IGF2R: variants seen among roughly 807,000 people sequenced by gnomAD.
IGF2R encodes the protein cation-independent mannose-6-phosphate receptor.
A neutral mutation model predicts 270.6 loss-of-function variants in IGF2R; 91 were observed. The ratio of observed to expected loss-of-function variants is 0.34; its 90% CI spans 0.28 to 0.40. The LOEUF is 0.40. Among genes scored for constraint, IGF2R ranks in the 10% least tolerant of loss-of-function variants. The probability of loss-of-function intolerance (pLI) is 1.00; values close to 1 mark genes in which losing one functional copy is unlikely to be tolerated. For missense variants in IGF2R, 2,805 were observed against 3,188.3 expected, an observed-to-expected ratio of 0.88 and a Z score of 2.90; for synonymous variants, 1,316 against 1,258.9, an observed-to-expected ratio of 1.05 and a Z score of -0.96.
At chr6:160,040,994 C>G (rs776312136) in intron 11 of IGF2R, among the ~76,000 whole-genome samples, 4 of 152,212 alleles carry the variant, frequency 2.6e-5, no homozygotes, top group Non-Finnish European at 5.9e-5. Flanking sequence ...TCTGCAGCCT[C>G]TGCCCCCTGG....
intron 37 of IGF2R, among the ~76,000 whole-genome samples, chr6:160,078,734 A>G (rs1391182687): frequency 2.0e-5 from 3 of 152,198 alleles, no homozygotes. Flanking sequence ...GCTGAAATCT[A>G]CAGGGATTTA....
intron 37 of IGF2R, among the ~76,000 whole-genome samples, chr6:160,079,348 C>T (rs546654475): frequency 7.2e-5 from 11 of 152,280 alleles, no homozygotes; most frequent in Non-Finnish European, 1.2e-4. Context: ...CAGGGGTGGC[C>T]GAGGCCCCCA....
At chr6:160,033,128 C>G (rs776829531) in intron 9 of IGF2R, 21 bp downstream of exon 9, 6 of 1,590,346 alleles carry the variant, frequency 3.8e-6, no homozygotes, top group Non-Finnish European at 5.2e-6. Context: ...AACCTCTGTG[C>G]GATTTTCCTT....
chr6:160,100,793 T>C, intron 45 of IGF2R, among the ~76,000 whole-genome samples: 1 of 116,412 alleles, frequency 8.6e-6, no homozygotes, highest in Admixed American at 1.1e-4. Context: ...TTTTTTTTTT[T>C]TTTTTTTTTT....
At chr6:160,103,856 G>T (rs569427818) in intron 47 of IGF2R, 41 bp downstream of exon 47, 3 of 1,352,916 alleles carry the variant, frequency 2.2e-6, no homozygotes, top group African/African-American at 1.4e-5. Context: ...CTGCCTCCCC[G>T]GCCCCCTGTG....
intron 4 of IGF2R, among the ~76,000 whole-genome samples, chr6:160,015,837 A>T (rs879794221): frequency 6.6e-6 from 1 of 152,208 alleles, no homozygotes; most frequent in Non-Finnish European, 1.5e-5. Context: ...TCCTCATGAC[A>T]GTGAGTGAAT....
chr6:159,984,216 C>T (rs1206823490), intron 1 of IGF2R, among the ~76,000 whole-genome samples: 2 of 152,204 alleles, frequency 1.3e-5, no homozygotes, highest in African/African-American at 2.4e-5. Context: ...TGACGGACTG[C>T]ATAAACTACA....
chr6:160,019,506 C>T (rs1350669493), intron 4 of IGF2R, among the ~76,000 whole-genome samples: 1 of 152,058 alleles, frequency 6.6e-6, no homozygotes, highest in Admixed American at 6.5e-5. Flanking sequence ...GCCAAACAAG[C>T]ACACAACAAA....
chr6:159,974,710 C>T (rs1174996106), intron 1 of IGF2R, among the ~76,000 whole-genome samples: 1 of 152,046 alleles, frequency 6.6e-6, no homozygotes, highest in Non-Finnish European at 1.5e-5. Context: ...TATACTCTAC[C>T]ACTCCCCCTC....
rs779143766 is a variant in IGF2R at position 160,063,645 on chromosome 6, C to T, written c.3886+15C>T. The T allele has an allele frequency of 2.2e-5, 35 of 1,589,076 alleles. No homozygotes were observed. In the Admixed American group the frequency reaches 3.8e-4, roughly 17 times the overall value. On this transcript the variant is annotated intron_variant, in intron 27 of 47. Coordinates refer to ENST00000356956, the MANE Select transcript of IGF2R (RefSeq NM_000876.4). The stretch of plus-strand genomic sequence containing the variant: ...CAAAGTGGCAGGTACCATTGTTTGT[C>T]GTTTTCCTTTTGTTGCAAAGGAATG...
At chr6:160,054,367 G>T (rs1263718743) in intron 19 of IGF2R, among the ~76,000 whole-genome samples, 2 of 152,210 alleles carry the variant, frequency 1.3e-5, no homozygotes, top group Admixed American at 6.5e-5. Flanking sequence ...ATGTCGAAAG[G>T]TGAAGCAGAG....
At chr6:160,019,334 C>T (rs1438459504) in intron 4 of IGF2R, among the ~76,000 whole-genome samples, 1 of 151,836 alleles carries the variant, frequency 6.6e-6, no homozygotes, top group African/African-American at 2.4e-5. Context: ...AAACAAAAAC[C>T]TCCCAACAAA....
rs772636216 is a variant in IGF2R, at chr6:160,096,531, C to A, written c.6748C>A (p.Pro2250Thr). The A allele has an allele frequency of 6.2e-7, 1 of 1,614,064 alleles. No individual in the cohort carries two copies. Among genetic ancestry groups the A allele is most frequent in the South Asian group, 1.1e-5 (1 of 91,076 alleles). Residue 2250 changes from proline (P) to threonine (T), a missense_variant, in exon 45 of 48, where the codon CCT (proline) becomes ACT (threonine). By Grantham distance (38) the Pro-to-Thr change is conservative (BLOSUM62 -1). Transcript: ENST00000356956. ...VSSTIFFHCDPLVEDGIPEFS... is the reference protein window; with the variant it reads ...VSSTIFFHCDTLVEDGIPEFS... ...TTCCACCATCTTCTTCCACTGTGACCCTCTGGTGGAGGACGGGATCCCCGA... is the reference window on the plus strand; with the variant it reads ...TTCCACCATCTTCTTCCACTGTGACACTCTGGTGGAGGACGGGATCCCCGA...
rs1405926301 is a variant in IGF2R at position 160,106,975 on chromosome 6, A to C, written c.*1891A>C. On this transcript the variant is annotated 3_prime_UTR_variant, in exon 48 of 48. Coordinates refer to ENST00000356956, the MANE Select transcript of IGF2R (RefSeq NM_000876.4). ...GACTGAGAGCTACCTGCATGGAAGC[A>C]GGAAGTTACTCCAGTGTTATAAACA... 6.6e-6 allele frequency: 1 copy of C among 152,260 alleles called. No homozygotes were observed. Among genetic ancestry groups the C allele is most frequent in the Non-Finnish European group, 1.5e-5 (1 of 68,044 alleles). 9.4% of individuals were successfully genotyped at this position (152,260 alleles called of 1,614,324 possible).
chr6:160,078,153 A>C lies in IGF2R; in HGVS notation c.5317-48A>C, dbSNP rs1778894271. 4 of 1,597,660 alleles carry C rather than the reference A, an allele frequency of 2.5e-6. No homozygotes were observed. In the African/African-American group the frequency reaches 5.4e-5, roughly 21 times the overall value. On this transcript the variant is annotated intron_variant, in intron 36 of 47. Coordinates refer to ENST00000356956, the MANE Select transcript of IGF2R (RefSeq NM_000876.4). Reference sequence around the variant, plus strand: ...GGGACGTGGTGTGTCACTGCTATCTATCCCTATGCCATGGGGTTTTTAAGA... The same window carrying C: ...GGGACGTGGTGTGTCACTGCTATCTCTCCCTATGCCATGGGGTTTTTAAGA...
At chr6:159,980,200 A>G (rs9347369) in intron 1 of IGF2R, among the ~76,000 whole-genome samples, 4,763 of 77,808 alleles carry the variant, frequency 0.061, 280 homozygotes, top group Middle Eastern at 0.093. Context: ...AGAAAGAAAG[A>G]AAGAAAGAAA....
intron 27 of IGF2R, 92 bp from the exon 28 acceptor site, chr6:160,064,307 ACT>A (rs1290966907): frequency 7.1e-7 from 1 of 1,411,192 alleles, no homozygotes; most frequent in Non-Finnish European, 1.0e-6. Flanking sequence ...TTTGTCTCAC[ACT>A]CTTCAGGGTG....
At chr6:160,103,967 A>G (rs767090990) in intron 47 of IGF2R, 152 bp downstream of exon 47, 6 of 568,276 alleles carry the variant, frequency 1.1e-5, no homozygotes, top group African/African-American at 1.9e-5. Context: ...TCAGCCACTT[A>G]CGCCAGCACA....
intron 22 of IGF2R, among the ~76,000 whole-genome samples, chr6:160,060,044 G>A (rs559392674): frequency 2.6e-4 from 39 of 152,192 alleles, no homozygotes; most frequent in Non-Finnish European, 5.4e-4. Context: ...AACATAGGCC[G>A]CTGTTGCAGT....
Sources: allele counts gnomAD v4.1 joint callset (sites outside exome capture counted in the v4.1 genomes callset), GRCh38; gene constraint gnomAD v4.1.1; transcripts MANE v1.5; gene names NCBI Gene and HGNC (gene_info 2026-07-23, HGNC 2026-07-21).